Variants in MECOM observed in about 807,000 individuals in gnomAD.
MECOM encodes the protein histone-lysine N-methyltransferase MECOM.
A neutral mutation model predicts 116.3 loss-of-function variants in MECOM; 13 were observed. That is an observed-to-expected ratio of 0.11 (90% CI 0.07 to 0.18). MECOM has a LOEUF of 0.18. Ranked by LOEUF, MECOM falls within the 10% of genes least tolerant of loss-of-function variation. The probability of loss-of-function intolerance (pLI) is 1.00; values close to 1 mark genes in which losing one functional copy is unlikely to be tolerated. For missense variants in MECOM, 1,299 were observed against 1,509.0 expected (o/e 0.86, Z 2.31); for synonymous variants, 528 against 535.2 (o/e 0.99, Z 0.19).
Position 169,206,847 on chromosome 3 carries a change from C to T in MECOM, c.376-63015G>A, listed in dbSNP as rs557223571. Among the ~76,000 whole-genome samples the T allele has an allele frequency of 2.5e-4, 37 of 149,952 alleles. 1 individual carries two copies. The highest frequency in any genetic ancestry group is 8.6e-4 in the African/African-American group (35 of 40,626). ...TAGCCCAGGCATAATACATAAAAAA[C>T]AAATTCCAAGATGATTCTAGTGAAT... On this transcript the variant is annotated intron_variant, in intron 2 of 16. Transcript: ENST00000651503.
At position 169,270,964 on chromosome 3, in the gene MECOM, A is replaced by T. The variant is rs529329072; in HGVS notation, c.375+110223T>A. On this transcript the variant is annotated intron_variant, in intron 2 of 16. Transcript: ENST00000651503. ...GTAATACTGCTTTTATGTTTTGAAG[A>T]TGTTGACAAGAGTTTGAGTCCTTCT... Among the ~76,000 whole-genome samples the T allele has an allele frequency of 8.5e-5, 13 of 152,322 alleles. No individual in the cohort carries two copies. The East Asian group carries it at 2.3e-3, about 27-fold the overall frequency.
chr3:169,149,081 T>TTTC (rs1553859861), intron 2 of MECOM, among the ~76,000 whole-genome samples: 94 of 151,042 alleles, frequency 6.2e-4, no homozygotes, highest in African/African-American at 2.3e-3. Flanking sequence ...AGCTTTCTTT[T>TTTC]TTTTTTTTTT....
intron 2 of MECOM, chr3:169,145,149 C>T (rs1739412921): frequency 2.4e-5 from 5 of 212,450 alleles, no homozygotes; most frequent in East Asian, 7.8e-5. Flanking sequence ...ATTAAACACA[C>T]ACACACACAC....
intron 2 of MECOM, among the ~76,000 whole-genome samples, chr3:169,199,665 C>A (rs1232783234): frequency 6.6e-6 from 1 of 152,026 alleles, no homozygotes; most frequent in East Asian, 1.9e-4. Flanking sequence ...ACATGCACAA[C>A]ACCATAACTA....
chr3:169,365,493 A>G (rs929082064), intron 2 of MECOM, among the ~76,000 whole-genome samples: 1 of 152,068 alleles, frequency 6.6e-6, no homozygotes, highest in African/African-American at 2.4e-5. Flanking sequence ...AGTATGATTT[A>G]TAGATCCCAT....
At chr3:169,153,538 T>A (rs948367179) in intron 2 of MECOM, among the ~76,000 whole-genome samples, 1 of 152,252 alleles carries the variant, frequency 6.6e-6, no homozygotes, top group Non-Finnish European at 1.5e-5. Flanking sequence ...CATTTTTCAT[T>A]ATTTTATTAA....
intron 2 of MECOM, among the ~76,000 whole-genome samples, chr3:169,255,051 G>C (rs1756698510): frequency 6.6e-6 from 1 of 152,128 alleles, no homozygotes; most frequent in South Asian, 2.1e-4. Flanking sequence ...ACTGAAACCT[G>C]TTTGACATTC....
intron 2 of MECOM, among the ~76,000 whole-genome samples, chr3:169,371,272 A>G (rs1348783990): frequency 6.6e-6 from 1 of 151,956 alleles, no homozygotes; most frequent in East Asian, 1.9e-4. Flanking sequence ...AAAGACAAAT[A>G]CTGCATGATT....
chr3:169,395,788 C>T (rs1343941427), intron 1 of MECOM, among the ~76,000 whole-genome samples: 2 of 152,330 alleles, frequency 1.3e-5, no homozygotes, highest in East Asian at 1.9e-4. Flanking sequence ...TGCAGCAGCA[C>T]CTGCCATGAA....
At chr3:169,508,352 G>A (rs1227984077) in intron 1 of MECOM, among the ~76,000 whole-genome samples, 1 of 151,916 alleles carries the variant, frequency 6.6e-6, no homozygotes, top group Non-Finnish European at 1.5e-5. Flanking sequence ...CAGTAAACTG[G>A]TGAATGACAC....
At position 169,369,342 on chromosome 3, in the gene MECOM, C is replaced by CTTTTTTT. The variant is rs10661629; in HGVS notation, c.375+11838_375+11844dup. On this transcript the variant is annotated intron_variant, in intron 2 of 16. Coordinates refer to ENST00000651503, the MANE Select transcript of MECOM (RefSeq NM_004991.4). ...AAATGTCTATAAACTTGATTGCAGC[C>CTTTTTTT]TTTTTTTTTTTTTTTTTTTTTTGAG... 8.8e-3 allele frequency among the ~76,000 whole-genome samples: 763 copies of CTTTTTTT among 86,944 alleles called. 39 individuals are homozygous for CTTTTTTT. Among genetic ancestry groups the CTTTTTTT allele is most frequent in the East Asian group, 0.03 (71 of 2,386 alleles). 57.0% of individuals were successfully genotyped at this position (86,944 alleles called of 152,430 possible). A position where few individuals can be genotyped will look rare whatever the true frequency, so the allele number is the denominator to read the frequency against.
intron 1 of MECOM, among the ~76,000 whole-genome samples, chr3:169,655,749 A>C (rs1775466873): frequency 6.6e-6 from 1 of 152,240 alleles, no homozygotes; most frequent in Non-Finnish European, 1.5e-5. Context: ...AAATACTTTT[A>C]AAAAGGAAAC....
At chr3:169,442,740 T>TG (rs1743940777) in intron 1 of MECOM, among the ~76,000 whole-genome samples, 1 of 152,200 alleles carries the variant, frequency 6.6e-6, no homozygotes, top group Non-Finnish European at 1.5e-5. Flanking sequence ...ACAGTTTTTG[T>TG]GGTCTCTTTT....
chr3:169,484,392 A>G (rs1751841095), intron 1 of MECOM, among the ~76,000 whole-genome samples: 1 of 150,478 alleles, frequency 6.6e-6, no homozygotes, highest in Non-Finnish European at 1.5e-5. Flanking sequence ...TTAGGGAGAA[A>G]AAAATTTAAA....
chr3:169,482,478 G>A (rs559942355), intron 1 of MECOM, among the ~76,000 whole-genome samples: 2 of 152,074 alleles, frequency 1.3e-5, no homozygotes, highest in East Asian at 3.9e-4. Flanking sequence ...ACCTGTACAG[G>A]CGCCCGCCAC....
intron 2 of MECOM, among the ~76,000 whole-genome samples, chr3:169,190,465 A>G (rs6780728): frequency 0.071 from 10,768 of 152,120 alleles, 616 homozygotes; most frequent in East Asian, 0.3. Flanking sequence ...ACAACTTAAT[A>G]TCCATGAACC....
At chr3:169,468,061 C>T (rs929083953) in intron 1 of MECOM, among the ~76,000 whole-genome samples, 1 of 152,050 alleles carries the variant, frequency 6.6e-6, no homozygotes, top group Admixed American at 6.6e-5. Context: ...CTTGAAGTTG[C>T]GGTAAAAGAC....
At chr3:169,277,148 G>C (rs1326164122) in intron 2 of MECOM, among the ~76,000 whole-genome samples, 12 of 152,130 alleles carry the variant, frequency 7.9e-5, no homozygotes, top group Non-Finnish European at 1.5e-4. Context: ...TAGAGTAAGA[G>C]AGAAAATGGG....
intron 2 of MECOM, among the ~76,000 whole-genome samples, chr3:169,279,093 C>A (rs567520881): frequency 3.0e-4 from 46 of 152,336 alleles, no homozygotes; most frequent in Admixed American, 7.8e-4. Context: ...GCTTAGTTCA[C>A]TCAAATGTGT....
Sources: gnomAD v4.1 joint callset for allele counts (sites outside exome capture counted in the v4.1 genomes callset) on GRCh38, gnomAD v4.1.1 for gene constraint, MANE v1.5 for transcripts, NCBI Gene and HGNC (gene_info 2026-07-23, HGNC 2026-07-21) for gene names.